The following LRRC18 variants were observed in gnomAD, a reference collection of about 807,000 sequenced individuals.
The protein encoded by LRRC18 is leucine-rich repeat-containing protein 18.
A neutral mutation model predicts 11.2 loss-of-function variants in LRRC18; 12 were observed. That is an observed-to-expected ratio of 1.07 (90% confidence interval 0.69 to 1.74). LRRC18 has a LOEUF of 1.74. Ranked by LOEUF, LRRC18 falls within the 40% of genes most tolerant of loss-of-function variation. The pLI is 0.00. For synonymous variants in LRRC18, 155 were observed against 130.6 expected (o/e 1.19, Z -1.27); for missense variants, 374 against 330.5 (o/e 1.13, Z -1.02).
At chr10:48,913,734 C>A in exon 1 of LRRC18, 3 of 1,613,302 alleles carry the variant, frequency 1.9e-6, no homozygotes, top group Non-Finnish European at 2.5e-6. Context: ...CTTCAGGGCC[C>A]CCAGTGTGGT....
chr10:48,915,257 C>T (rs139922515), upstream of LRRC18, among the ~76,000 whole-genome samples: 1 of 152,298 alleles, frequency 6.6e-6, no homozygotes, highest in East Asian at 1.9e-4. Context: ...CATATTGTTT[C>T]TAATCCTCAA....
chr10:48,932,596 G>T, the LRRC18 span: 2 of 151,640 alleles, frequency 1.3e-5, no homozygotes, highest in African/African-American at 4.8e-5. Context: ...AGTGAGCAAG[G>T]CTATACCTTT....
chr10:48,915,610 G>T (rs1838448301), upstream of LRRC18, among the ~76,000 whole-genome samples: 1 of 152,090 alleles, frequency 6.6e-6, no homozygotes, highest in Admixed American at 6.5e-5. Flanking sequence ...AGGCTGTGTG[G>T]GAATATAGTT....
chr10:48,939,839 A>G, the LRRC18 span, among the ~76,000 whole-genome samples: 1 of 152,224 alleles, frequency 6.6e-6, no homozygotes, highest in African/African-American at 2.4e-5. Flanking sequence ...AGCCAATGAA[A>G]TGAGGAGGGG....
At chr10:48,915,693 T>C (rs989293086), upstream of LRRC18, among the ~76,000 whole-genome samples, 1 of 152,292 alleles carries the variant, frequency 6.6e-6, no homozygotes, top group South Asian at 2.1e-4. Context: ...AATCCCACTG[T>C]CACCACTCAT....
chr10:48,910,051 G>A (rs1564472321), exon 2 of LRRC18: 1 of 574,442 alleles, frequency 1.7e-6, no homozygotes, highest in East Asian at 2.8e-5. Flanking sequence ...TTCACACACA[G>A]GTGGGCTAAA....
upstream of LRRC18, among the ~76,000 whole-genome samples, chr10:48,915,728 C>T (rs894885772): frequency 3.3e-5 from 5 of 152,152 alleles, no homozygotes; most frequent in Non-Finnish European, 1.5e-5. Context: ...AGGGTCCTAC[C>T]CTGCGAAAGG....
chr10:48,923,783 CA>C, the LRRC18 span, among the ~76,000 whole-genome samples: 1 of 152,002 alleles, frequency 6.6e-6, no homozygotes. Flanking sequence ...CCCTGAACAC[CA>C]AAAACCTGGG....
the LRRC18 span, among the ~76,000 whole-genome samples, chr10:48,920,124 A>G: frequency 1.4e-5 from 1 of 69,092 alleles, no homozygotes; most frequent in African/African-American, 4.9e-5. Context: ...GACTAAAAAG[A>G]AAAAAAAAAG....
chr10:48,919,677 A>C, the LRRC18 span, among the ~76,000 whole-genome samples: 8 of 152,286 alleles, frequency 5.3e-5, no homozygotes, highest in African/African-American at 1.9e-4. Flanking sequence ...AATTGTCTGG[A>C]GCCCCTTTTG....
chr10:48,910,986 G>C (rs11595341), intron 1 of LRRC18: 257,961 of 822,300 alleles, frequency 0.31, 43,251 homozygotes, highest in East Asian at 0.73. Flanking sequence ...TGTCTGAAGG[G>C]GGAGAAATTG....
chr10:48,909,719 G>C (rs1240272445), exon 2 of LRRC18: 1 of 153,664 alleles, frequency 6.5e-6, no homozygotes, highest in Non-Finnish European at 1.4e-5. Flanking sequence ...ATTACCAAAA[G>C]GATGGCACCA....
At chr10:48,918,409 A>G (rs1838745522), upstream of LRRC18, among the ~76,000 whole-genome samples, 1 of 152,238 alleles carries the variant, frequency 6.6e-6, no homozygotes, top group African/African-American at 2.4e-5. Flanking sequence ...CAAACACTAA[A>G]GGAAGGATGT....
upstream of LRRC18, among the ~76,000 whole-genome samples, chr10:48,916,124 T>A (rs1219411745): frequency 6.6e-6 from 1 of 152,150 alleles, no homozygotes; most frequent in Non-Finnish European, 1.5e-5. Context: ...ATCAGGCAGA[T>A]TGGAGAAGAA....
chr10:48,921,609 A>G, the LRRC18 span, among the ~76,000 whole-genome samples: 25 of 65,956 alleles, frequency 3.8e-4, no homozygotes, highest in African/African-American at 1.5e-3. Context: ...CTCTGTGGAA[A>G]AAAAAAACGT....
the LRRC18 span, among the ~76,000 whole-genome samples, chr10:48,925,899 G>T: frequency 6.6e-6 from 1 of 152,134 alleles, no homozygotes; most frequent in Non-Finnish European, 1.5e-5. Flanking sequence ...AATCTCCAGA[G>T]AAACTAAGCA....
the LRRC18 span, among the ~76,000 whole-genome samples, chr10:48,934,452 A>G: frequency 3.3e-5 from 5 of 152,178 alleles, no homozygotes; most frequent in Non-Finnish European, 5.9e-5. Flanking sequence ...ACTTGTGTGG[A>G]GTCACAAAGA....
intron 1 of LRRC18, among the ~76,000 whole-genome samples, chr10:48,911,727 C>A (rs1480184806): frequency 6.6e-6 from 1 of 152,142 alleles, no homozygotes; most frequent in Admixed American, 6.5e-5. Context: ...AGCTGACATA[C>A]TGTAGAATGA....
At chr10:48,939,371 T>C in the LRRC18 span, among the ~76,000 whole-genome samples, 16 of 152,154 alleles carry the variant, frequency 1.1e-4, no homozygotes, top group African/African-American at 3.6e-4. Context: ...GTGACAGGTG[T>C]GGCCAGTGTG....
Sources: gnomAD v4.1 joint callset for allele counts (sites outside exome capture counted in the v4.1 genomes callset) on GRCh38, gnomAD v4.1.1 for gene constraint, MANE v1.5 for transcripts, NCBI Gene and HGNC (gene_info 2026-07-23, HGNC 2026-07-21) for gene names.